The following RELN variants were observed in gnomAD, a reference collection of about 807,000 sequenced individuals.
RELN encodes reelin.
RELN carries 108 observed loss-of-function variants against 427.6 expected under a neutral mutation model. The ratio of observed to expected loss-of-function variants is 0.25; its 90% CI spans 0.22 to 0.30. The LOEUF (loss-of-function observed/expected upper bound fraction) is 0.30, where lower values mean the gene tolerates loss of function less well. RELN is among the 10% of genes least tolerant of loss of function. The pLI, the probability that RELN is intolerant of heterozygous loss-of-function variation, is 1.00. For synonymous variants in RELN, 1,524 were observed against 1,513.4 expected (o/e 1.01, Z -0.16); for missense variants, 3,715 against 4,302.8 (o/e 0.86, Z 3.82).
At chr7:103,906,544 TC>T (rs1795209132) in intron 2 of RELN, among the ~76,000 whole-genome samples, 2 of 150,862 alleles carry the variant, frequency 1.3e-5, no homozygotes, top group Non-Finnish European at 3.0e-5. Flanking sequence ...ACTCTCTCTC[TC>T]TCCTCCTCTC....
chr7:103,644,576 TGAAA>T (rs1328446621), intron 16 of RELN, among the ~76,000 whole-genome samples: 5 of 151,222 alleles, frequency 3.3e-5, no homozygotes, highest in African/African-American at 1.2e-4. Flanking sequence ...ACAGTCAGAC[TGAAA>T]GAAAGAACAA....
rs762514238 is a variant in RELN at position 103,917,117 on chromosome 7, G to C, written c.295C>G (p.Gln99Glu). 6.2e-7 allele frequency: 1 copy of C among 1,613,406 alleles called. No individual in the cohort carries two copies. The highest frequency in any genetic ancestry group is 8.5e-7 in the Non-Finnish European group (1 of 1,179,700). Residue 99 changes from glutamine to glutamate, a missense_variant, in exon 2 of 65, where the codon CAG becomes GAG. Coordinates refer to ENST00000428762, the MANE Select transcript of RELN (RefSeq NM_005045.4). ...GAACCTCCAATGCTCTGTGATGCCT[G>C]AACACTTGTAGATGTGTATAGTCCT... ...VTGLYTSTSV[Q>E]ASQSIGGSSA...
intron 53 of RELN, among the ~76,000 whole-genome samples, chr7:103,499,635 A>G (rs1198967226): frequency 6.6e-6 from 1 of 152,226 alleles, no homozygotes; most frequent in African/African-American, 2.4e-5. Context: ...AAAGACATAC[A>G]GTCAAATGTC....
rs184982675 is a variant in RELN at position 103,668,424 on chromosome 7, C to G, written c.1290-6897G>C. 1.7e-3 allele frequency among the ~76,000 whole-genome samples: 263 copies of G among 152,222 alleles called. 1 individual carries two copies. The highest frequency in any genetic ancestry group is 5.3e-3 in the Admixed American group (81 of 15,286). Reference sequence around the variant, plus strand: ...TTTGTTATTCACACAATTAACTGGTCTACATTTGGAAGAAACTGGGACACA... The same window carrying G: ...TTTGTTATTCACACAATTAACTGGTGTACATTTGGAAGAAACTGGGACACA... On this transcript the variant is annotated intron_variant, in intron 11 of 64. Transcript: ENST00000428762.
Position 103,635,436 on chromosome 7 carries a change from A to G in RELN, c.2454T>C (p.Tyr818=), listed in dbSNP as rs762615780. The change falls in exon 19 of 65, where the codon TAT becomes TAC. Residue 818 remains tyrosine, a synonymous_variant. Coordinates refer to ENST00000428762, the MANE Select transcript of RELN (RefSeq NM_005045.4). The part of the protein sequence containing the change: ...KLLEHYSYLS[Y]HEPRIISVEL... ...GCTTTCCAACATACCTGGGCTCATG[A>G]TAGCTGAGATATGAATAATGCTCCA... 6.2e-7 allele frequency: 1 copy of G among 1,613,804 alleles called. No individual in the cohort carries two copies. Among genetic ancestry groups the G allele is most frequent in the East Asian group, 2.2e-5 (1 of 44,840 alleles).
intron 2 of RELN, among the ~76,000 whole-genome samples, chr7:103,875,708 G>C (rs1478860527): frequency 6.6e-6 from 1 of 151,750 alleles, no homozygotes; most frequent in Non-Finnish European, 1.5e-5. Context: ...ATTTTTTTCA[G>C]GCATAGTCTG....
chr7:103,878,256 C>G (rs534550598), intron 2 of RELN, among the ~76,000 whole-genome samples: 1 of 152,144 alleles, frequency 6.6e-6, no homozygotes, highest in African/African-American at 2.4e-5. Context: ...AACTCTGCCC[C>G]TCTTCTATCC....
intron 2 of RELN, among the ~76,000 whole-genome samples, chr7:103,890,028 C>T (rs1331202672): frequency 6.6e-6 from 1 of 151,934 alleles, no homozygotes; most frequent in African/African-American, 2.4e-5. Context: ...TTAATGCACC[C>T]CTCCTCTCTC....
At chr7:103,830,052 G>A (rs39359) in intron 3 of RELN, among the ~76,000 whole-genome samples, 53,717 of 151,666 alleles carry the variant, frequency 0.35, 10,030 homozygotes, top group Non-Finnish European at 0.42. Flanking sequence ...GTTGTAAGAC[G>A]TTAAAAAATA....
In RELN at chr7:103,620,005, T is replaced by C. The variant is rs562563011; in HGVS notation, c.2703-8202A>G. Among the ~76,000 whole-genome samples the C allele has an allele frequency of 6.6e-6, 1 of 152,276 alleles. No individual in the cohort carries two copies. Among genetic ancestry groups the C allele is most frequent in the South Asian group, 2.1e-4 (1 of 4,818 alleles). On this transcript the variant is annotated intron_variant, in intron 20 of 64. Transcript: ENST00000428762. This position sits in a 1 kb window ranked among gnomAD's most constrained non-coding sequence, Gnocchi z 4.1. ...TCCTCCTGCTTCTGTCCACTACTTT[T>C]GATAAGGTTTTGCTGTGCCCCACCC...
At chr7:103,747,757 G>A (rs191310227) in intron 6 of RELN, among the ~76,000 whole-genome samples, 16 of 151,004 alleles carry the variant, frequency 1.1e-4, no homozygotes, top group Admixed American at 6.6e-4. Context: ...AGAAGGACTC[G>A]GCTTTTAAAG....
intron 10 of RELN, among the ~76,000 whole-genome samples, chr7:103,686,879 CCA>C: frequency 6.6e-6 from 1 of 152,202 alleles, no homozygotes; most frequent in South Asian, 2.1e-4. Flanking sequence ...CTATCATTTT[CCA>C]CACATTCAAT....
chr7:103,482,538 A>G (rs1470484046), intron 63 of RELN, among the ~76,000 whole-genome samples: 1 of 152,178 alleles, frequency 6.6e-6, no homozygotes, highest in Non-Finnish European at 1.5e-5. Flanking sequence ...CAAGGATGTC[A>G]TTTCATTTTA....
intron 2 of RELN, among the ~76,000 whole-genome samples, chr7:103,899,513 C>A (rs989431674): frequency 5.3e-5 from 8 of 152,100 alleles, no homozygotes; most frequent in Non-Finnish European, 1.2e-4. Context: ...AGGCCAATAT[C>A]CCTGATGAAC....
chr7:103,835,513 T>A (rs1218634807), intron 2 of RELN, among the ~76,000 whole-genome samples: 1 of 152,190 alleles, frequency 6.6e-6, no homozygotes, highest in Non-Finnish European at 1.5e-5. Context: ...TGAGGCAGGA[T>A]GTTGACGGTA....
At chr7:103,963,155 C>T (rs1554449271) in intron 1 of RELN, among the ~76,000 whole-genome samples, 2 of 122,538 alleles carry the variant, frequency 1.6e-5, no homozygotes, top group African/African-American at 3.6e-5. Flanking sequence ...CTCATTGGCG[C>T]TTTCTACTCA....
At chr7:103,828,300 GA>G (rs1260450192) in intron 3 of RELN, among the ~76,000 whole-genome samples, 6 of 151,896 alleles carry the variant, frequency 4.0e-5, no homozygotes, top group African/African-American at 1.4e-4. Flanking sequence ...TTTTTAAAAT[GA>G]TTTTTTTTGC....
At chr7:103,648,237 T>C (rs943480591) in intron 16 of RELN, among the ~76,000 whole-genome samples, 6 of 152,018 alleles carry the variant, frequency 3.9e-5, no homozygotes, top group African/African-American at 1.2e-4. Context: ...GTTCTTGTGA[T>C]AGTGAGTTCT....
At chr7:103,536,812 A>G (rs1455192915) in intron 45 of RELN, among the ~76,000 whole-genome samples, 1 of 152,100 alleles carries the variant, frequency 6.6e-6, no homozygotes, top group East Asian at 1.9e-4. Flanking sequence ...TTCAGTGATC[A>G]CCTCTGTGCC....
Sources: gnomAD v4.1 joint callset for allele counts (sites outside exome capture counted in the v4.1 genomes callset) on GRCh38, gnomAD v4.1.1 for gene constraint, Gnocchi (gnomAD v3.1) non-coding constraint, MANE v1.5 for transcripts, NCBI Gene and HGNC (gene_info 2026-07-23, HGNC 2026-07-21) for gene names.